Variants in WWOX observed in about 807,000 individuals in gnomAD.
WWOX encodes the protein WW domain containing oxidoreductase.
A neutral mutation model predicts 46.2 loss-of-function variants in WWOX; 69 were observed. The ratio of observed to expected loss-of-function variants is 1.49; its 90% CI spans 1.23 to 1.82. WWOX has a LOEUF of 1.82. WWOX is among the 40% of genes most tolerant of loss of function. The pLI is 0.00. For missense variants in WWOX, 919 were observed against 542.6 expected (o/e 1.69, Z -6.89); for synonymous variants, 359 against 202.6 (o/e 1.77, Z -6.56).
chr16:79,089,696 T>G (rs2048919276), intron 8 of WWOX, among the ~76,000 whole-genome samples: 1 of 152,146 alleles, frequency 6.6e-6, no homozygotes, highest in Non-Finnish European at 1.5e-5. Flanking sequence ...AGAGAAATGT[T>G]TTCCAGTCGC....
At chr16:79,006,552 C>T (rs1003690197) in intron 8 of WWOX, among the ~76,000 whole-genome samples, 18 of 151,748 alleles carry the variant, frequency 1.2e-4, no homozygotes, top group African/African-American at 4.4e-4. Flanking sequence ...ATTTGTGAGG[C>T]ACTGTATTTG....
intron 6 of WWOX, among the ~76,000 whole-genome samples, chr16:78,402,156 C>G (rs2082427668): frequency 6.6e-6 from 1 of 152,138 alleles, no homozygotes; most frequent in African/African-American, 2.4e-5. Flanking sequence ...TCCTCCAGTC[C>G]CAAGGCAATC....
chr16:78,528,190 A>G (rs1215090345), intron 8 of WWOX, among the ~76,000 whole-genome samples: 1 of 32,402 alleles, frequency 3.1e-5, no homozygotes, highest in Non-Finnish European at 6.0e-5. Context: ...TTTTTTTTGC[A>G]TTTTTAGTCG....
At chr16:78,879,414 A>G (rs2044297205) in intron 8 of WWOX, among the ~76,000 whole-genome samples, 1 of 152,192 alleles carries the variant, frequency 6.6e-6, no homozygotes, top group African/African-American at 2.4e-5. Context: ...TTCATGCCAT[A>G]AGGGCAAAAT....
intron 8 of WWOX, among the ~76,000 whole-genome samples, chr16:78,505,301 G>A (rs2085167025): frequency 6.6e-6 from 1 of 152,128 alleles, no homozygotes; most frequent in African/African-American, 2.4e-5. Context: ...TAATACACTT[G>A]CCAAGACTCC....
chr16:78,994,691 G>C lies in WWOX; in HGVS notation c.1057-216917G>C, dbSNP rs1466050886. ...CGCGTCACACTGTAATAGACAGTGG[G>C]GGGTGGAATCAAAAGGGGGAAAAAA... On this transcript the variant is annotated intron_variant, in intron 8 of 8. Coordinates refer to ENST00000566780, the MANE Select transcript of WWOX (RefSeq NM_016373.4). Among the ~76,000 whole-genome samples, 3 of 152,240 alleles carry C rather than the reference G, an allele frequency of 2.0e-5. No individual in the cohort carries two copies. In the East Asian group the frequency reaches 5.8e-4, roughly 29 times the overall value.
chr16:78,654,576 C>T (rs1024666800), intron 8 of WWOX, among the ~76,000 whole-genome samples: 4 of 151,894 alleles, frequency 2.6e-5, no homozygotes, highest in South Asian at 4.2e-4. Flanking sequence ...CTGATTTCTC[C>T]GTGATATAAA....
chr16:78,331,339 G>T (rs555522052), intron 5 of WWOX, among the ~76,000 whole-genome samples: 2 of 152,298 alleles, frequency 1.3e-5, no homozygotes, highest in African/African-American at 4.8e-5. Flanking sequence ...ATTTTTATCT[G>T]TGTAATTTTT....
In WWOX at chr16:78,435,026, C is replaced by G. The variant is rs1255163474; in HGVS notation, c.1056+2274C>G. Among the ~76,000 whole-genome samples, 3 of 152,128 alleles carry G rather than the reference C, an allele frequency of 2.0e-5. No homozygotes were observed. In the East Asian group the frequency reaches 5.8e-4, roughly 29 times the overall value. On this transcript the variant is annotated intron_variant, in intron 8 of 8. Transcript: ENST00000566780. ...TAATAAAGTCAGACTTGAAAGTTGG[C>G]TGGTTGGACCTAACGGGAGTATCTC...
At chr16:78,880,441 G>A (rs1048444832) in intron 8 of WWOX, among the ~76,000 whole-genome samples, 15 of 152,164 alleles carry the variant, frequency 9.9e-5, no homozygotes, top group African/African-American at 2.2e-4. Context: ...TTCGGTATAC[G>A]AAAGTATATA....
At chr16:78,603,335 A>G (rs1305078149) in intron 8 of WWOX, among the ~76,000 whole-genome samples, 1 of 152,184 alleles carries the variant, frequency 6.6e-6, no homozygotes, top group Non-Finnish European at 1.5e-5. Flanking sequence ...CACCAAAAAG[A>G]TCTCATTCTG....
chr16:78,652,850 C>T (rs2738600), intron 8 of WWOX, among the ~76,000 whole-genome samples: 63,593 of 151,984 alleles, frequency 0.42, 16,081 homozygotes, highest in Middle Eastern at 0.58. Flanking sequence ...TATGATTGGA[C>T]CCAGGCATAA....
At chr16:78,228,433 C>A (rs1597375782) in intron 5 of WWOX, among the ~76,000 whole-genome samples, 1 of 149,674 alleles carries the variant, frequency 6.7e-6, no homozygotes, top group African/African-American at 2.5e-5. Flanking sequence ...CCTTGACCTC[C>A]TGGGTTCAAG....
chr16:78,947,700 T>G (rs2045976660), intron 8 of WWOX, among the ~76,000 whole-genome samples: 1 of 152,202 alleles, frequency 6.6e-6, no homozygotes, highest in African/African-American at 2.4e-5. Context: ...GTCCCCTCAC[T>G]TAGCCCCTTC....
Position 79,041,601 on chromosome 16 carries a change from C to T in WWOX, c.1057-170007C>T, listed in dbSNP as rs185213641. On this transcript the variant is annotated intron_variant, in intron 8 of 8. Coordinates refer to ENST00000566780, the MANE Select transcript of WWOX (RefSeq NM_016373.4). ...TAAGTCTGGTTGGCCTCTGGGAGTA[C>T]GGGATCAGAATTCCAAGTGACTGGG... Among the ~76,000 whole-genome samples the T allele has an allele frequency of 6.4e-4, 97 of 152,142 alleles. No individual in the cohort carries two copies. The East Asian group carries it at 9.3e-3, about 15-fold the overall frequency.
At chr16:78,662,797 T>C (rs1201213038) in intron 8 of WWOX, among the ~76,000 whole-genome samples, 2 of 152,118 alleles carry the variant, frequency 1.3e-5, no homozygotes, top group East Asian at 3.9e-4. Context: ...GTTTTGGTGG[T>C]TCCTGGGCTC....
chr16:79,209,910 G>C (rs413263), intron 8 of WWOX, among the ~76,000 whole-genome samples: 1 of 152,068 alleles, frequency 6.6e-6, no homozygotes, highest in South Asian at 2.1e-4. Flanking sequence ...ATTTCCATTA[G>C]ACTTGAGCCA....
intron 5 of WWOX, among the ~76,000 whole-genome samples, chr16:78,245,257 A>C (rs552589283): frequency 2.0e-5 from 3 of 152,310 alleles, no homozygotes; most frequent in Non-Finnish European, 4.4e-5. Flanking sequence ...CAATGAGAGG[A>C]ACCACGGTTT....
At chr16:78,917,986 G>A (rs1401472104) in intron 8 of WWOX, among the ~76,000 whole-genome samples, 2 of 152,178 alleles carry the variant, frequency 1.3e-5, no homozygotes, top group Non-Finnish European at 2.9e-5. Flanking sequence ...AGGGCCACTT[G>A]AGGCCAGGAG....
Sources: gnomAD v4.1 joint callset for allele counts (sites outside exome capture counted in the v4.1 genomes callset) on GRCh38, gnomAD v4.1.1 for gene constraint, MANE v1.5 for transcripts, NCBI Gene and HGNC (gene_info 2026-07-23, HGNC 2026-07-21) for gene names.